TRIM59: variants seen among roughly 807,000 people sequenced by gnomAD.
TRIM59 encodes tripartite motif containing 59.
A neutral mutation model predicts 32.2 loss-of-function variants in TRIM59; 14 were observed. The ratio of observed to expected loss-of-function variants is 0.43; its 90% confidence interval spans 0.29 to 0.68. The LOEUF is 0.68. TRIM59 is among the 30% of genes least tolerant of loss of function. TRIM59 has a pLI of 0.15. For synonymous variants in TRIM59, 163 were observed against 155.1 expected, an observed-to-expected ratio of 1.05 and a Z score of -0.38; for missense variants, 471 against 463.3, an observed-to-expected ratio of 1.02 and a Z score of -0.15.
In TRIM59 at chr3:160,437,874, G is replaced by A. The variant is rs1392741585; in HGVS notation, c.*98C>T. 3 of 1,379,580 alleles carry A rather than the reference G, an allele frequency of 2.2e-6. No homozygotes were observed. Among genetic ancestry groups the A allele is most frequent in the African/African-American group, 1.5e-5 (1 of 67,638 alleles). 85.5% of individuals were successfully genotyped at this position (1,379,580 alleles called of 1,614,324 possible). On this transcript the variant is annotated 3_prime_UTR_variant, in exon 3 of 3. Coordinates refer to ENST00000309784, the MANE Select transcript of TRIM59 (RefSeq NM_173084.3). ...TAAACATTTGTTTATATTAGTTGCA[G>A]CACTAATAAAGCTTAGTTTGCTCTT... is the stretch of plus-strand genomic sequence containing the variant.
chr3:160,449,356 TC>T (rs1303654131), intron 1 of TRIM59: 4 of 493,148 alleles, frequency 8.1e-6, no homozygotes, highest in Non-Finnish European at 1.2e-5. Flanking sequence ...ACTCTTCCCT[TC>T]CCCTTCTCAA....
Position 160,438,019 on chromosome 3 carries a change from T to G in TRIM59, c.1165A>C (p.Ile389Leu). The G allele has an allele frequency of 1.3e-6, 2 of 1,565,092 alleles. No homozygotes were observed. Among genetic ancestry groups the G allele is most frequent in the South Asian group, 2.4e-5 (2 of 83,102 alleles). Residue 389 changes from isoleucine to leucine, a missense_variant, in exon 3 of 3, where the codon ATT (isoleucine) becomes CTT (leucine). Physicochemically the swap from Ile to Leu is conservative, Grantham distance 5 (BLOSUM62 2). Transcript: ENST00000309784. ...LHKVKNILCH[I>L]FYLLKEFVWK... is the part of the protein sequence containing the mutation. ...ACAAATTCCTTCAACAAATAGAAAATGTGACACAGTATATTCTTTACCTTA... is the reference window on the plus strand; with the variant it reads ...ACAAATTCCTTCAACAAATAGAAAAGGTGACACAGTATATTCTTTACCTTA...
In TRIM59 at chr3:160,436,738, C is replaced by G; in HGVS notation, c.*1234G>C. The G allele has an allele frequency of 1.5e-6, 1 of 672,134 alleles. No individual in the cohort carries two copies. The highest frequency in any genetic ancestry group is 1.8e-6 in the Non-Finnish European group (1 of 565,106). 41.6% of individuals were successfully genotyped at this position (672,134 alleles called of 1,614,324 possible). ...GTGTGAACCCGGGAGGCGGGGCTTG[C>G]AATGAGCCGAGATCACGCCACTGCA... On this transcript the variant is annotated 3_prime_UTR_variant, in exon 3 of 3. Coordinates refer to ENST00000309784, the MANE Select transcript of TRIM59 (RefSeq NM_173084.3).
Position 160,449,575 on chromosome 3 carries a change from G to A in TRIM59, c.-74+142C>T, listed in dbSNP as rs1719716273. On this transcript the variant is annotated intron_variant, in intron 1 of 2. Transcript: ENST00000309784. ...TCCAGTATGGGACAAGAGGGAATGA[G>A]TGCAGGTCCCAAGCCACTCCCTCCA... 3.2e-5 allele frequency: 41 copies of A among 1,288,760 alleles called. No homozygotes were observed. The South Asian group carries it at 4.9e-4, about 16-fold the overall frequency. 79.8% of individuals were successfully genotyped at this position (1,288,760 alleles called of 1,614,324 possible).
At chr3:160,445,282 GCGCA>G (rs1390662898) in intron 2 of TRIM59, among the ~76,000 whole-genome samples, 2 of 151,896 alleles carry the variant, frequency 1.3e-5, no homozygotes, top group Non-Finnish European at 2.9e-5. Flanking sequence ...AAGTATGGTG[GCGCA>G]CGCCTGTTAG....
chr3:160,436,373 A>T lies in TRIM59; in HGVS notation c.*1599T>A. On this transcript the variant is annotated 3_prime_UTR_variant, in exon 3 of 3. Transcript: ENST00000309784. ...GCCCCTTTGGGATTTCTGGAAAGCAAATCAACCTGCACTTAGAGTTGCATG... is the reference window on the plus strand; with the variant it reads ...GCCCCTTTGGGATTTCTGGAAAGCATATCAACCTGCACTTAGAGTTGCATG... 1 of 986,188 alleles carries T rather than the reference A, an allele frequency of 1.0e-6. No homozygotes were observed. Among genetic ancestry groups the T allele is most frequent in the Non-Finnish European group, 1.2e-6 (1 of 830,186 alleles). The allele number at this position is 986,188 out of a possible 1,614,324, so 61.1% of individuals were successfully genotyped here.
chr3:160,446,288 T>C (rs1342700366), intron 2 of TRIM59, among the ~76,000 whole-genome samples: 2 of 152,144 alleles, frequency 1.3e-5, no homozygotes, highest in Non-Finnish European at 2.9e-5. Flanking sequence ...TGCTAAATAT[T>C]TTGAAGACAG....
chr3:160,439,793 T>C (rs1203129272), intron 2 of TRIM59, among the ~76,000 whole-genome samples: 1 of 152,250 alleles, frequency 6.6e-6, no homozygotes, highest in Non-Finnish European at 1.5e-5. Context: ...GTCTCAGGTA[T>C]GTCTTTATCA....
rs1719007291 is a variant in TRIM59, at chr3:160,436,967, G to GA, written c.*1004dup. On this transcript the variant is annotated 3_prime_UTR_variant, in exon 3 of 3. Coordinates refer to ENST00000309784, the MANE Select transcript of TRIM59 (RefSeq NM_173084.3). Reference sequence around the variant, plus strand: ...AACATGATTCTGTTCTAATAAGAATGAGTTTTTAATCCAAGAACTGATTTG... The same window carrying GA: ...AACATGATTCTGTTCTAATAAGAATGAAGTTTTTAATCCAAGAACTGATTTG... 1 of 985,098 alleles carries GA rather than the reference G, an allele frequency of 1.0e-6. No homozygotes were observed. The highest frequency in any genetic ancestry group is 4.7e-5 in the South Asian group (1 of 21,286). 61.0% of individuals were successfully genotyped at this position (985,098 alleles called of 1,614,324 possible).
In TRIM59 at chr3:160,435,853, G is replaced by T; in HGVS notation, c.*2119C>A. 1 of 849,786 alleles carries T rather than the reference G, an allele frequency of 1.2e-6. No individual in the cohort carries two copies. Among genetic ancestry groups the T allele is most frequent in the Non-Finnish European group, 1.7e-6 (1 of 588,118 alleles). 52.6% of individuals were successfully genotyped at this position (849,786 alleles called of 1,614,324 possible). ...AAGAGAATGCATGGGTTTTCTCACA[G>T]CTATATGGCCTTGGACAAGTCACTT... On this transcript the variant is annotated 3_prime_UTR_variant, in exon 3 of 3. Transcript: ENST00000309784.
chr3:160,441,909 T>C (rs575333660), intron 2 of TRIM59, among the ~76,000 whole-genome samples: 13 of 152,246 alleles, frequency 8.5e-5, no homozygotes, highest in African/African-American at 3.1e-4. Context: ...GTAAAGAAGA[T>C]GACATTCACT....
In TRIM59 at chr3:160,435,725, A is replaced by G. The variant is rs532831283; in HGVS notation, c.*2247T>C. On this transcript the variant is annotated 3_prime_UTR_variant, in exon 3 of 3. Coordinates refer to ENST00000309784, the MANE Select transcript of TRIM59 (RefSeq NM_173084.3). ...GCAAGATACAAAATGTCAAATCTAA[A>G]ATGATATATATACTTACGTTTTTAG... 374 of 262,164 alleles carry G rather than the reference A, an allele frequency of 1.4e-3. 3 individuals carry two copies. The highest frequency in any genetic ancestry group is 7.7e-3 in the African/African-American group (342 of 44,334). The allele number at this position is 262,164 out of a possible 1,614,324, so 16.2% of individuals were successfully genotyped here.
chr3:160,440,909 CA>C (rs1388387543), intron 2 of TRIM59, among the ~76,000 whole-genome samples: 2 of 151,284 alleles, frequency 1.3e-5, no homozygotes, highest in Admixed American at 1.3e-4. Context: ...AACTCCGTCT[CA>C]AAAAAAATAA....
rs1298937965 is a variant in TRIM59 at position 160,438,875 on chromosome 3, T to C, written c.309A>G (p.Gln103=). 1 of 1,614,096 alleles carries C rather than the reference T, an allele frequency of 6.2e-7. No homozygotes were observed. The highest frequency in any genetic ancestry group is 8.5e-7 in the Non-Finnish European group (1 of 1,179,960). ...CTAATAGACAGTAAACATTTAATGG[T>C]TGCCTGTAATGTTCAGGGCAGGTGA... ...DIVTCPEHYR[Q]PLNVYCLLDK... Residue 103 remains glutamine (Q), a synonymous_variant, in exon 3 of 3, where the codon CAA becomes CAG. Coordinates refer to ENST00000309784, the MANE Select transcript of TRIM59 (RefSeq NM_173084.3).
intron 2 of TRIM59, among the ~76,000 whole-genome samples, chr3:160,444,371 TATA>T (rs1456173858): frequency 6.6e-6 from 1 of 152,168 alleles, no homozygotes; most frequent in Non-Finnish European, 1.5e-5. Flanking sequence ...CAATTAAAAA[TATA>T]ATACAATTTT....
intron 2 of TRIM59, among the ~76,000 whole-genome samples, chr3:160,445,984 T>C (rs1719510377): frequency 6.6e-6 from 1 of 152,032 alleles, no homozygotes; most frequent in African/African-American, 2.4e-5. Flanking sequence ...AATGTTTTTA[T>C]GCTTTGTAGA....
intron 2 of TRIM59, chr3:160,447,862 T>C (rs1163275924): frequency 2.0e-5 from 3 of 152,244 alleles, no homozygotes; most frequent in African/African-American, 4.8e-5. Flanking sequence ...AAGAAATACA[T>C]TTCATGCAAG....
rs549835371 is a variant in TRIM59 at position 160,449,239 on chromosome 3, A to G, written c.-73-444T>C. Among the ~76,000 whole-genome samples, 39 of 152,306 alleles carry G rather than the reference A, an allele frequency of 2.6e-4. No homozygotes were observed. In the South Asian group the frequency reaches 8.1e-3, roughly 32 times the overall value. Reference sequence around the variant, plus strand: ...ATGCTGTGGGACCTGGGTCAGTATTACCAAATACCTCTCAAAAGTGAGGCT... The same window carrying G: ...ATGCTGTGGGACCTGGGTCAGTATTGCCAAATACCTCTCAAAAGTGAGGCT... On this transcript the variant is annotated intron_variant, in intron 1 of 2. Coordinates refer to ENST00000309784, the MANE Select transcript of TRIM59 (RefSeq NM_173084.3).
Position 160,439,106 on chromosome 3 carries a change from A to C in TRIM59, c.78T>G (p.Ser26=), listed in dbSNP as rs900135986. The change falls in exon 3 of 3, where the codon TCT becomes TCG. Residue 26 remains serine, a synonymous_variant. Coordinates refer to ENST00000309784, the MANE Select transcript of TRIM59 (RefSeq NM_173084.3). ...CCAAACAATTTCTACAAAATGTATG[A>C]GAGCATGGCAGTACACGAGGATCTT... is the stretch of plus-strand genomic sequence containing the variant. ...IFEDPRVLPC[S]HTFCRNCLEN... is the part of the protein sequence containing the mutation. 6.5e-7 allele frequency: 1 copy of C among 1,534,654 alleles called. No individual in the cohort carries two copies. Among genetic ancestry groups the C allele is most frequent in the Non-Finnish European group, 8.8e-7 (1 of 1,142,670 alleles).
Sources: allele counts gnomAD v4.1 joint callset (sites outside exome capture counted in the v4.1 genomes callset), GRCh38; gene constraint gnomAD v4.1.1; transcripts MANE v1.5; gene names NCBI Gene and HGNC (gene_info 2026-07-23, HGNC 2026-07-21).